PAM: variants seen among roughly 807,000 people sequenced by gnomAD.
PAM encodes the protein peptidylglycine alpha-amidating monooxygenase, also known as peptidyl-glycine alpha-amidating monooxygenase.
Under a neutral mutation model 122.1 loss-of-function variants are expected in PAM, and 72 were observed. That is an observed-to-expected ratio of 0.59 (90% CI 0.49 to 0.72). PAM has a LOEUF of 0.72. PAM is among the 30% of genes least tolerant of loss of function. The pLI is 0.00. For synonymous variants in PAM, 389 were observed against 404.4 expected (o/e 0.96, Z 0.46); for missense variants, 1,106 against 1,183.7 (o/e 0.93, Z 0.96).
intron 5 of PAM, among the ~76,000 whole-genome samples, chr5:102,918,911 T>C (rs1025968055): frequency 6.6e-6 from 1 of 152,164 alleles, no homozygotes; most frequent in African/African-American, 2.4e-5. Context: ...TGTGATCTTC[T>C]ATACATAGCT....
intron 1 of PAM, among the ~76,000 whole-genome samples, chr5:102,855,113 A>T (rs1179216139): frequency 6.6e-6 from 1 of 152,196 alleles, no homozygotes; most frequent in Admixed American, 6.5e-5. Flanking sequence ...TGACTTCCAG[A>T]TTATCTAGTT....
chr5:102,805,064 C>CTTTT (rs527963126), intron 1 of PAM, among the ~76,000 whole-genome samples: 11 of 103,766 alleles, frequency 1.1e-4, no homozygotes, highest in Non-Finnish European at 1.3e-4. Context: ...GGGAATTTTC[C>CTTTT]TTTTTTTTTT....
intron 1 of PAM, among the ~76,000 whole-genome samples, chr5:102,788,805 A>G (rs1187813793): frequency 6.6e-6 from 1 of 152,242 alleles, no homozygotes; most frequent in African/African-American, 2.4e-5. Flanking sequence ...CTATTAAGTA[A>G]CTACTATTTT....
At chr5:102,937,016 G>C (rs577164811) in intron 7 of PAM, among the ~76,000 whole-genome samples, 2 of 152,012 alleles carry the variant, frequency 1.3e-5, no homozygotes, top group Admixed American at 1.3e-4. Context: ...TAAGAAAAGG[G>C]GAGCTTTGAA....
intron 1 of PAM, among the ~76,000 whole-genome samples, chr5:102,807,860 A>G (rs192252256): frequency 6.0e-4 from 91 of 152,262 alleles, no homozygotes; most frequent in African/African-American, 2.0e-3. Context: ...GAGGGGAATG[A>G]TGCTAATAGA....
At chr5:102,757,762 T>C (rs1313630736) in intron 1 of PAM, among the ~76,000 whole-genome samples, 4 of 152,112 alleles carry the variant, frequency 2.6e-5, no homozygotes, top group Admixed American at 2.0e-4. Context: ...TTGGTGAGAC[T>C]GAGTGTGGTG....
At chr5:102,972,272 A>C (rs1479583783) in intron 14 of PAM, among the ~76,000 whole-genome samples, 3 of 151,988 alleles carry the variant, frequency 2.0e-5, no homozygotes, top group Non-Finnish European at 4.4e-5. Context: ...ATATGGATTC[A>C]AGTTTTTATT....
At chr5:102,874,713 AT>A (rs1187176376) in intron 3 of PAM, among the ~76,000 whole-genome samples, 5 of 152,116 alleles carry the variant, frequency 3.3e-5, no homozygotes, top group Admixed American at 3.3e-4. Flanking sequence ...TATTTTCTCA[AT>A]AAGGTTCAGA....
intron 1 of PAM, among the ~76,000 whole-genome samples, chr5:102,821,725 C>T (rs767555090): frequency 1.4e-4 from 22 of 152,230 alleles, no homozygotes; most frequent in Admixed American, 5.2e-4. Context: ...CCTAAAATGA[C>T]CCAGTTAATC....
At chr5:102,858,267 T>G (rs1313645545) in intron 1 of PAM, among the ~76,000 whole-genome samples, 1 of 152,220 alleles carries the variant, frequency 6.6e-6, no homozygotes, top group Non-Finnish European at 1.5e-5. Flanking sequence ...GATTTACAAG[T>G]TAAGCTTCAT....
intron 5 of PAM, among the ~76,000 whole-genome samples, chr5:102,920,809 T>G (rs2151662169): frequency 6.6e-6 from 1 of 152,212 alleles, no homozygotes; most frequent in African/African-American, 2.4e-5. Context: ...TTTTTTTTTT[T>G]TTAGCCAAAA....
chr5:102,770,985 G>C (rs1406981036), intron 1 of PAM, among the ~76,000 whole-genome samples: 1 of 152,002 alleles, frequency 6.6e-6, no homozygotes, highest in Non-Finnish European at 1.5e-5. Context: ...GGTGATAAGA[G>C]CTGTATTGAT....
At chr5:102,936,699 C>T (rs190797050) in intron 7 of PAM, among the ~76,000 whole-genome samples, 6 of 152,112 alleles carry the variant, frequency 3.9e-5, no homozygotes, top group Non-Finnish European at 7.4e-5. Context: ...AATTGCTGCA[C>T]ATTTTTGCCA....
At chr5:102,773,723 C>A (rs534724040) in intron 1 of PAM, among the ~76,000 whole-genome samples, 135 of 151,956 alleles carry the variant, frequency 8.9e-4, no homozygotes, top group African/African-American at 3.1e-3. Flanking sequence ...AACTTATTTA[C>A]TTTTTATTAA....
At position 102,913,994 on chromosome 5, in the gene PAM, A is replaced by G; in HGVS notation, c.329A>G (p.Asn110Ser). 1 of 1,596,034 alleles carries G rather than the reference A, an allele frequency of 6.3e-7. No homozygotes were observed. Among genetic ancestry groups the G allele is most frequent in the Non-Finnish European group, 8.6e-7 (1 of 1,163,774 alleles). Reference sequence around the variant, plus strand: ...CATCACATGTTACTTTTTGGATGCAATATGCCTTCATCCACTGGAAGTTAC... The same window carrying G: ...CATCACATGTTACTTTTTGGATGCAGTATGCCTTCATCCACTGGAAGTTAC... The part of the protein sequence containing the change: ...TVHHMLLFGC[N>S]MPSSTGSYWF... Residue 110 changes from asparagine (N) to serine (S), a missense_variant, in exon 5 of 26, where the codon AAT (asparagine) becomes AGT (serine). Asn to Ser is a conservative substitution (Grantham distance 46, BLOSUM62 1). This residue lies in a region of PAM where 670 missense variants were observed against 690.3 expected (regional missense o/e 0.97). Coordinates refer to ENST00000438793, the MANE Select transcript of PAM (RefSeq NM_001177306.2).
At chr5:102,955,092 C>T (rs1272839785) in intron 12 of PAM, among the ~76,000 whole-genome samples, 1 of 151,856 alleles carries the variant, frequency 6.6e-6, no homozygotes, top group East Asian at 1.9e-4. Context: ...TTACTATTAC[C>T]GATTTTGCCT....
At position 102,803,137 on chromosome 5, in the gene PAM, G is replaced by A. The variant is rs370727453; in HGVS notation, c.-374+47789G>A. Among the ~76,000 whole-genome samples the A allele has an allele frequency of 3.4e-4, 44 of 127,840 alleles. 1 individual carries two copies. Among genetic ancestry groups the A allele is most frequent in the Middle Eastern group, 4.0e-3 (1 of 252 alleles). 83.9% of individuals were successfully genotyped at this position (127,840 alleles called of 152,430 possible). On this transcript the variant is annotated intron_variant, in intron 1 of 25. Transcript: ENST00000438793. ...GATTCTGTGTCCAAAAAAAAAGAAA[G>A]AAAGAAAGAAAGGAAGGAAGGAAGG...
intron 1 of PAM, among the ~76,000 whole-genome samples, chr5:102,828,620 G>A (rs1179030177): frequency 6.6e-6 from 1 of 152,102 alleles, no homozygotes; most frequent in East Asian, 1.9e-4. Flanking sequence ...GCAGTAGCGA[G>A]GGTTACATGA....
intron 7 of PAM, among the ~76,000 whole-genome samples, chr5:102,935,317 C>CTGT (rs1278182835): frequency 1.3e-5 from 2 of 151,656 alleles, no homozygotes; most frequent in African/African-American, 4.8e-5. Context: ...AGATCTGCAT[C>CTGT]TGTTGTTGTT....
Sources: gnomAD v4.1 joint callset for allele counts (sites outside exome capture counted in the v4.1 genomes callset) on GRCh38, gnomAD v4.1.1 for gene constraint, gnomAD v4.1.1 regional missense constraint, MANE v1.5 for transcripts, NCBI Gene and HGNC (gene_info 2026-07-23, HGNC 2026-07-21) for gene names.